Variants in ZNF407 observed in about 807,000 individuals in gnomAD.
The protein encoded by ZNF407 is zinc finger protein 407.
Under a neutral mutation model 131.2 loss-of-function variants are expected in ZNF407, and 17 were observed. The observed-to-expected ratio is 0.13, with a 90% CI of 0.09 to 0.19. The LOEUF is 0.19. Ranked by LOEUF, ZNF407 falls within the 10% of genes least tolerant of loss-of-function variation. The pLI is 1.00. For missense variants in ZNF407, 2,681 were observed against 2,830.6 expected, an observed-to-expected ratio of 0.95 and a Z score of 1.20; for synonymous variants, 1,156 against 1,062.0, an observed-to-expected ratio of 1.09 and a Z score of -1.72.
intron 3 of ZNF407, among the ~76,000 whole-genome samples, chr18:74,764,158 G>A (rs1420455990): frequency 1.3e-5 from 2 of 151,698 alleles, no homozygotes; most frequent in Non-Finnish European, 2.9e-5. Flanking sequence ...ATTACACTTG[G>A]AATTTTTTTG....
At chr18:74,976,157 G>C (rs1251797244) in intron 8 of ZNF407, among the ~76,000 whole-genome samples, 1 of 152,158 alleles carries the variant, frequency 6.6e-6, no homozygotes, top group Non-Finnish European at 1.5e-5. Flanking sequence ...ATTCCATATT[G>C]GTTGACCCCA....
At chr18:74,756,531 A>G (rs183527453) in intron 3 of ZNF407, among the ~76,000 whole-genome samples, 94 of 152,284 alleles carry the variant, frequency 6.2e-4, no homozygotes, top group Admixed American at 1.7e-3. Context: ...TTCCACTTCT[A>G]TTGGTAAATT....
chr18:74,640,177 T>G (rs1984644691), intron 2 of ZNF407, among the ~76,000 whole-genome samples: 1 of 152,158 alleles, frequency 6.6e-6, no homozygotes, highest in Non-Finnish European at 1.5e-5. Flanking sequence ...CTCATTAATG[T>G]GGATGATTAT....
At chr18:75,027,596 A>T (rs1466071632) in intron 8 of ZNF407, among the ~76,000 whole-genome samples, 1 of 152,200 alleles carries the variant, frequency 6.6e-6, no homozygotes. Context: ...AGGACTACTA[A>T]GTTTCCATCT....
At chr18:74,959,292 G>A (rs2145289293) in intron 8 of ZNF407, among the ~76,000 whole-genome samples, 1 of 152,298 alleles carries the variant, frequency 6.6e-6, no homozygotes, top group Admixed American at 6.5e-5. Flanking sequence ...ATCATCATCA[G>A]TATTGTCATG....
chr18:74,638,722 T>C (rs1250239082), intron 2 of ZNF407, among the ~76,000 whole-genome samples: 1 of 152,208 alleles, frequency 6.6e-6, no homozygotes, highest in Non-Finnish European at 1.5e-5. Context: ...CTGAGGATAA[T>C]GCTGTTCCAA....
chr18:75,019,649 T>C (rs759572896), intron 8 of ZNF407, among the ~76,000 whole-genome samples: 18 of 152,110 alleles, frequency 1.2e-4, no homozygotes, highest in Non-Finnish European at 2.5e-4. Context: ...TTTTCTGTAT[T>C]AGTCTCTTCT....
intron 1 of ZNF407, among the ~76,000 whole-genome samples, chr18:74,601,321 G>GTA (rs1360587428): frequency 1.5e-4 from 18 of 117,860 alleles, no homozygotes; most frequent in African/African-American, 5.4e-4. Context: ...GTGTGTGTGT[G>GTA]TGTATGTCTG....
intron 8 of ZNF407, among the ~76,000 whole-genome samples, chr18:74,947,717 C>T (rs1972169122): frequency 6.6e-6 from 1 of 152,164 alleles, no homozygotes; most frequent in Non-Finnish European, 1.5e-5. Flanking sequence ...TGATAAAAGC[C>T]CTGTACAGAC....
At chr18:74,840,492 C>T (rs1970616928) in intron 4 of ZNF407, among the ~76,000 whole-genome samples, 1 of 152,152 alleles carries the variant, frequency 6.6e-6, no homozygotes, top group South Asian at 2.1e-4. Flanking sequence ...TTCTTCACCA[C>T]CTCACCATCC....
At chr18:74,797,107 G>A (rs774044901) in intron 4 of ZNF407, among the ~76,000 whole-genome samples, 2 of 152,160 alleles carry the variant, frequency 1.3e-5, no homozygotes, top group African/African-American at 2.4e-5. Context: ...GTAGTGTCAG[G>A]AGGCTTTTTT....
intron 4 of ZNF407, among the ~76,000 whole-genome samples, chr18:74,786,689 C>T (rs787908): frequency 0.99 from 150,031 of 151,890 alleles, 74,130 homozygotes; most frequent in Middle Eastern, 1. Context: ...CGAACTCTTT[C>T]TGTTTTTTCA....
chr18:74,982,963 A>T (rs188906815), intron 8 of ZNF407, among the ~76,000 whole-genome samples: 55 of 152,098 alleles, frequency 3.6e-4, no homozygotes, highest in Non-Finnish European at 5.3e-4. Flanking sequence ...CTGAAAAAAA[A>T]TTTTTTTCCT....
chr18:74,753,850 T>A (rs1968865062), intron 3 of ZNF407, among the ~76,000 whole-genome samples: 1 of 152,192 alleles, frequency 6.6e-6, no homozygotes, highest in Non-Finnish European at 1.5e-5. Context: ...GGCTTTGATA[T>A]CAGGATGATG....
At position 75,063,871 on chromosome 18, in the gene ZNF407, G is replaced by A. The variant is rs758797253; in HGVS notation, c.6150G>A (p.Pro2050=). The change falls in exon 9 of 9, where the codon CCG becomes CCA. Residue 2050 remains proline (P), a synonymous_variant. Coordinates refer to ENST00000299687, the MANE Select transcript of ZNF407 (RefSeq NM_017757.3). This position sits in a 1 kb window ranked among gnomAD's most constrained non-coding sequence, Gnocchi z 6.6. Reference sequence around the variant, plus strand: ...TGTTCCCACAGGCCCAGGAGAGCCCGGCCGCCGTGGAGGTGCTCACCCAGG... The same window carrying A: ...TGTTCCCACAGGCCCAGGAGAGCCCAGCCGCCGTGGAGGTGCTCACCCAGG... ...IQMFPQAQES[P]AAVEVLTQVV... is the part of the protein sequence containing the mutation. 8.7e-6 allele frequency: 14 copies of A among 1,611,870 alleles called. No individual in the cohort carries two copies. The highest frequency in any genetic ancestry group is 9.3e-6 in the Non-Finnish European group (11 of 1,179,518).
Position 74,632,048 on chromosome 18 carries a change from G to A in ZNF407, c.1029G>A (p.Glu343=), listed in dbSNP as rs748595292. 9 of 1,613,632 alleles carry A rather than the reference G, an allele frequency of 5.6e-6. No homozygotes were observed. In the African/African-American group the frequency reaches 1.2e-4, roughly 22 times the overall value. ...CTAAACAAAGTGGTAGTAGCAGTGA[G>A]CTTCTTGTTGAAATGATGCCTTCCA... ...SISKQSGSSS[E]LLVEMMPSRN... The change falls in exon 2 of 9, where the codon GAG becomes GAA. Residue 343 remains glutamate (E), a synonymous_variant. Coordinates refer to ENST00000299687, the MANE Select transcript of ZNF407 (RefSeq NM_017757.3).
intron 8 of ZNF407, among the ~76,000 whole-genome samples, chr18:75,053,060 C>T (rs1375743413): frequency 1.3e-5 from 2 of 152,132 alleles, no homozygotes; most frequent in Non-Finnish European, 2.9e-5. Flanking sequence ...TCGTGTGGTC[C>T]TGTAATTGGC....
chr18:74,983,385 T>C (rs1175537853), intron 8 of ZNF407, among the ~76,000 whole-genome samples: 1 of 152,220 alleles, frequency 6.6e-6, no homozygotes, highest in Admixed American at 6.5e-5. Flanking sequence ...CCTAAAGAAG[T>C]GTTCACTTTG....
chr18:75,052,044 A>G (rs563328190), intron 8 of ZNF407, among the ~76,000 whole-genome samples: 57 of 152,262 alleles, frequency 3.7e-4, no homozygotes, highest in African/African-American at 1.3e-3. Context: ...AGACCTTTGG[A>G]TAAGGAACGT....
Sources: gnomAD v4.1 joint callset for allele counts (sites outside exome capture counted in the v4.1 genomes callset) on GRCh38, gnomAD v4.1.1 for gene constraint, Gnocchi (gnomAD v3.1) non-coding constraint, MANE v1.5 for transcripts, NCBI Gene and HGNC (gene_info 2026-07-23, HGNC 2026-07-21) for gene names.